Variants in TG observed in about 807,000 individuals in gnomAD.
TG encodes the protein thyroid hormones.
Under a neutral mutation model 324.7 loss-of-function variants are expected in TG, and 270 were observed. That is an observed-to-expected ratio of 0.83 (90% CI 0.75 to 0.92). The LOEUF (loss-of-function observed/expected upper bound fraction) is 0.92. Ranked by LOEUF, TG falls within the 40% of genes least tolerant of loss-of-function variation. The probability of loss-of-function intolerance (pLI) is 0.00; values close to 1 mark genes in which losing one functional copy is unlikely to be tolerated. For missense variants in TG, 3,591 were observed against 3,456.4 expected (o/e 1.04, Z -0.98); for synonymous variants, 1,401 against 1,327.0 (o/e 1.06, Z -1.21).
chr8:133,068,244 T>C (rs1843397446), intron 41 of TG, among the ~76,000 whole-genome samples: 1 of 152,220 alleles, frequency 6.6e-6, no homozygotes. Context: ...GGAGGGGCAA[T>C]GCCCATCTAT....
chr8:132,902,442 G>T (rs924561479), intron 16 of TG, among the ~76,000 whole-genome samples: 2 of 152,084 alleles, frequency 1.3e-5, no homozygotes, highest in African/African-American at 4.8e-5. Context: ...CTCTCATTGC[G>T]GGGGTTGCTT....
At chr8:133,053,292 C>T (rs1840765745) in intron 41 of TG, among the ~76,000 whole-genome samples, 2 of 152,202 alleles carry the variant, frequency 1.3e-5, no homozygotes, top group African/African-American at 4.8e-5. Flanking sequence ...GAATGCCCAT[C>T]TGTCCCCACC....
At chr8:132,950,688 C>G (rs1825983458) in intron 27 of TG, among the ~76,000 whole-genome samples, 1 of 152,176 alleles carries the variant, frequency 6.6e-6, no homozygotes, top group Non-Finnish European at 1.5e-5. Flanking sequence ...CTTTGGACAC[C>G]ACTTGTGTGA....
At chr8:132,894,180 C>T (rs1816765906) in intron 11 of TG, among the ~76,000 whole-genome samples, 1 of 152,122 alleles carries the variant, frequency 6.6e-6, no homozygotes, top group African/African-American at 2.4e-5. Flanking sequence ...CTGCCGCTCC[C>T]ACAAAGCCAA....
chr8:132,887,315 G>A lies in TG; in HGVS notation c.1943G>A (p.Gly648Asp). The A allele has an allele frequency of 1.2e-6, 2 of 1,608,210 alleles. No homozygotes were observed. The highest frequency in any genetic ancestry group is 3.3e-5 in the Admixed American group (2 of 59,838). The change falls in exon 9 of 48, where the codon GGC (glycine) becomes GAC (aspartate). Residue 648 changes from glycine (G) to aspartate (D), a missense_variant. Gly to Asp is a moderately conservative substitution (Grantham distance 94). Transcript: ENST00000220616. Reference protein sequence around the residue: ...CVNSWGKELPGSRVRGGQPRC... With the variant: ...CVNSWGKELPDSRVRGGQPRC... ...AATTCCTGGGGCAAAGAGCTTCCAG[G>A]CTCAAGAGTCAGAGGTGGACAGCCA...
chr8:132,883,095 C>T, intron 8 of TG, 96 bp downstream of exon 8: 1 of 1,373,014 alleles, frequency 7.3e-7, no homozygotes, highest in Non-Finnish European at 1.0e-6. Context: ...AATTCAACTG[C>T]CTTCTAGTGT....
In TG at chr8:133,030,010, G is replaced by C. The variant is rs1486916833; in HGVS notation, c.7226G>C (p.Arg2409Thr). ...ARATNSQLFR[R>T]AVLMGGSALS... is the part of the protein sequence containing the mutation. ...GCCACCAACTCCCAACTTTTCCGGAGAGCTGTGCTGATGGTAAGTGGTGTG... is the reference window on the plus strand; with the variant it reads ...GCCACCAACTCCCAACTTTTCCGGACAGCTGTGCTGATGGTAAGTGGTGTG... The change falls in exon 41 of 48, where the codon AGA becomes ACA. Residue 2409 changes from arginine (R) to threonine (T), a missense_variant. Arg to Thr is a moderately conservative substitution (Grantham distance 71). Transcript: ENST00000220616. The C allele has an allele frequency of 6.2e-7, 1 of 1,614,226 alleles. No individual in the cohort carries two copies. The highest frequency in any genetic ancestry group is 8.5e-7 in the Non-Finnish European group (1 of 1,180,046).
chr8:132,923,365 C>T lies in TG; in HGVS notation c.4556C>T (p.Ala1519Val), dbSNP rs753345703. The change falls in exon 22 of 48, where the codon GCA becomes GTA. Residue 1519 changes from alanine to valine, a missense_variant. By Grantham distance (64) the Ala-to-Val change is moderately conservative. Transcript: ENST00000220616. ...GTCACTGACTGTCAGAGGAACGAAG[C>T]AGGCCTGCAATGTGACCAGAATGGC... ...HCVTDCQRNE[A>V]GLQCDQNGQY... 1 of 1,614,090 alleles carries T rather than the reference C, an allele frequency of 6.2e-7. No individual in the cohort carries two copies. Among genetic ancestry groups the T allele is most frequent in the Admixed American group, 1.7e-5 (1 of 60,016 alleles).
In TG at chr8:132,901,411, C is replaced by G; in HGVS notation, c.3492C>G (p.Gly1164=). 6.2e-7 allele frequency: 1 copy of G among 1,614,238 alleles called. No homozygotes were observed. ...TCCTCTCCAGGAGAGTCAGCCCAGG[C>G]TATGTCCCAGCCTGCAGGGCAGAGG... The part of the protein sequence containing the change: ...SGVLSRRVSP[G]YVPACRAEDG... Residue 1164 remains glycine (G), a synonymous_variant, in exon 16 of 48, where the codon GGC becomes GGG. Coordinates refer to ENST00000220616, the MANE Select transcript of TG (RefSeq NM_003235.5).
At chr8:133,067,113 T>G (rs1276146622) in intron 41 of TG, among the ~76,000 whole-genome samples, 2 of 152,160 alleles carry the variant, frequency 1.3e-5, no homozygotes, top group Non-Finnish European at 2.9e-5. Context: ...GCACAGGGGC[T>G]TAGCATCCGG....
At chr8:133,133,301 G>A in intron 46 of TG, 169 bp from the exon 47 acceptor site, 2 of 725,314 alleles carry the variant, frequency 2.8e-6, no homozygotes, top group South Asian at 3.2e-5. Context: ...TTGCAGTGCA[G>A]TCAAGATCAC....
At chr8:133,022,183 C>T in intron 40 of TG, 33 bp downstream of exon 40, 1 of 1,613,650 alleles carries the variant, frequency 6.2e-7, no homozygotes, top group Non-Finnish European at 8.5e-7. Context: ...AGCTGCTGAC[C>T]CCCTGAGCCA....
intron 23 of TG, among the ~76,000 whole-genome samples, chr8:132,931,231 A>G (rs970683508): frequency 1.3e-5 from 2 of 152,160 alleles, no homozygotes; most frequent in Non-Finnish European, 2.9e-5. Context: ...CACCAGTCCT[A>G]TTGCCTTAGG....
intron 10 of TG, among the ~76,000 whole-genome samples, chr8:132,892,842 G>A: frequency 6.7e-6 from 1 of 149,062 alleles, no homozygotes; most frequent in South Asian, 2.1e-4. Context: ...TATGTGTGTG[G>A]TGTGGTGTAT....
At chr8:133,042,106 T>C (rs1181438762) in intron 41 of TG, among the ~76,000 whole-genome samples, 2 of 152,040 alleles carry the variant, frequency 1.3e-5, no homozygotes, top group Non-Finnish European at 2.9e-5. Flanking sequence ...TTTATACCCA[T>C]TTTGGGGAGG....
intron 45 of TG, among the ~76,000 whole-genome samples, chr8:133,124,559 C>T (rs915076347): frequency 1.3e-5 from 2 of 152,196 alleles, no homozygotes; most frequent in Admixed American, 1.3e-4. Flanking sequence ...CCTCAATTTC[C>T]TCACCTTTAA....
At chr8:132,952,767 TG>T (rs1188294007) in intron 27 of TG, among the ~76,000 whole-genome samples, 1 of 152,200 alleles carries the variant, frequency 6.6e-6, no homozygotes, top group African/African-American at 2.4e-5. Flanking sequence ...GGCACTCTGG[TG>T]AGGCAGTTGG....
chr8:132,995,195 A>T, intron 35 of TG: 2 of 955,576 alleles, frequency 2.1e-6, no homozygotes, highest in Non-Finnish European at 2.5e-6. Context: ...CACTGCTCTA[A>T]GCCCCAGTTT....
intron 26 of TG, among the ~76,000 whole-genome samples, chr8:132,942,926 A>G (rs1824662445): frequency 6.6e-6 from 1 of 152,178 alleles, no homozygotes; most frequent in Non-Finnish European, 1.5e-5. Flanking sequence ...GAGAGACCCC[A>G]GGTTTTCTGA....
Sources: allele counts gnomAD v4.1 joint callset (sites outside exome capture counted in the v4.1 genomes callset), GRCh38; gene constraint gnomAD v4.1.1; transcripts MANE v1.5; gene names NCBI Gene and HGNC (gene_info 2026-07-23, HGNC 2026-07-21).